POC5: variants seen among roughly 807,000 people sequenced by gnomAD.
POC5 encodes the protein centrosomal protein POC5.
A neutral mutation model predicts 62.9 loss-of-function variants in POC5; 48 were observed. The observed-to-expected ratio is 0.76, with a 90% CI of 0.61 to 0.97. The LOEUF is 0.97. Among genes scored for constraint, POC5 ranks in the 50% least tolerant of loss-of-function variants. The pLI is 0.00. For synonymous variants in POC5, 236 were observed against 228.2 expected, an observed-to-expected ratio of 1.03 and a Z score of -0.31; for missense variants, 696 against 679.5, an observed-to-expected ratio of 1.02 and a Z score of -0.27.
intron 7 of POC5, 114 bp downstream of exon 7, chr5:75,692,282 A>G (rs968979675): frequency 2.0e-5 from 14 of 693,448 alleles, no homozygotes; most frequent in African/African-American, 1.7e-4. Flanking sequence ...TAAGAGGAAC[A>G]TTAAATCACA....
intron 11 of POC5, among the ~76,000 whole-genome samples, chr5:75,675,884 G>A (rs115340281): frequency 5.2e-4 from 79 of 152,314 alleles, no homozygotes; most frequent in African/African-American, 1.8e-3. Context: ...GTCACAAATC[G>A]CATCCTTGGT....
Position 75,690,247 on chromosome 5 carries a change from C to T in POC5, c.975+136G>A, listed in dbSNP as rs1776271087. On this transcript the variant is annotated intron_variant, in intron 8 of 11. Transcript: ENST00000428202. The stretch of plus-strand genomic sequence containing the variant: ...GAATATACAATAAACATTAAATTAA[C>T]ACAAGAATAAACGTTTTCATTTTTT... 6.1e-6 allele frequency: 5 copies of T among 819,492 alleles called. No individual in the cohort carries two copies. In the African/African-American group the frequency reaches 6.9e-5, roughly 11 times the overall value. The allele number at this position is 819,492 out of a possible 1,614,324, so 50.8% of individuals were successfully genotyped here.
intron 11 of POC5, among the ~76,000 whole-genome samples, chr5:75,675,883 C>T (rs1561458060): frequency 6.6e-6 from 1 of 152,208 alleles, no homozygotes; most frequent in African/African-American, 2.4e-5. Context: ...TGTCACAAAT[C>T]GCATCCTTGG....
At chr5:75,700,163 A>C (rs1776805701) in intron 5 of POC5, among the ~76,000 whole-genome samples, 1 of 151,992 alleles carries the variant, frequency 6.6e-6, no homozygotes, top group Non-Finnish European at 1.5e-5. Context: ...TTACAGATTC[A>C]ATGCCATCCC....
chr5:75,694,344 T>A (rs1237024794), intron 6 of POC5, among the ~76,000 whole-genome samples: 2 of 151,708 alleles, frequency 1.3e-5, no homozygotes, highest in African/African-American at 4.8e-5. Context: ...ATACTCTTTT[T>A]AAAAAAAAAT....
intron 5 of POC5, among the ~76,000 whole-genome samples, chr5:75,699,350 C>T (rs1182782787): frequency 1.3e-5 from 2 of 152,004 alleles, no homozygotes; most frequent in Non-Finnish European, 2.9e-5. Flanking sequence ...TCCAGCAGCA[C>T]ATCAAAAAGC....
At chr5:75,698,514 A>G (rs1323538054) in intron 5 of POC5, among the ~76,000 whole-genome samples, 1 of 151,668 alleles carries the variant, frequency 6.6e-6, no homozygotes, top group Non-Finnish European at 1.5e-5. Flanking sequence ...GTTCTTTGAA[A>G]CCACCGAGAA....
intron 11 of POC5, among the ~76,000 whole-genome samples, chr5:75,676,539 C>G (rs1775660411): frequency 7.9e-6 from 1 of 126,418 alleles, no homozygotes; most frequent in Non-Finnish European, 1.8e-5. Flanking sequence ...TAGTGCCCAG[C>G]TAGTACTCGG....
rs116577445 is a variant in POC5, at chr5:75,710,858, T to C, written c.84+1996A>G. Among the ~76,000 whole-genome samples the C allele has an allele frequency of 4.7e-3, 716 of 152,274 alleles. 7 individuals carry two copies. The highest frequency in any genetic ancestry group is 0.015 in the African/African-American group (637 of 41,546). ...AGTTAGCCTATCACCACCTCTAGCA[T>C]GTAGGAACGGAGGGAGAAGTGGAAG... On this transcript the variant is annotated intron_variant, in intron 2 of 11. Transcript: ENST00000428202.
intron 2 of POC5, among the ~76,000 whole-genome samples, chr5:75,709,802 T>C (rs926308404): frequency 6.6e-6 from 1 of 152,220 alleles, no homozygotes; most frequent in Non-Finnish European, 1.5e-5. Flanking sequence ...TTGGTCCTAA[T>C]AAACTAATAC....
chr5:75,702,037 C>T (rs1030546583), intron 5 of POC5, among the ~76,000 whole-genome samples: 8 of 152,128 alleles, frequency 5.3e-5, no homozygotes, highest in Non-Finnish European at 8.8e-5. Flanking sequence ...AGAACCGTTC[C>T]AGCAACCACT....
intron 2 of POC5, among the ~76,000 whole-genome samples, chr5:75,711,517 T>C (rs768154113): frequency 1.3e-5 from 2 of 152,270 alleles, no homozygotes; most frequent in Admixed American, 1.3e-4. Context: ...GAGGGGCTTT[T>C]GTATTAAATG....
rs1474153813 is a variant in POC5 at position 75,692,481 on chromosome 5, T to C, written c.710A>G (p.His237Arg). ...RKDEVISSLS[H>R]AIGKQKEKIE... The stretch of plus-strand genomic sequence containing the variant: ...CTTTTCCTTTTGCTTGCCTATGGCA[T>C]GAGACAAGCTAGAAATCACCTGTAA... The change falls in exon 7 of 12, where the codon CAT (histidine) becomes CGT (arginine). Residue 237 changes from histidine to arginine, a missense_variant. By Grantham distance (29) the His-to-Arg change is conservative. Transcript: ENST00000428202. 1.2e-6 allele frequency: 2 copies of C among 1,600,890 alleles called. No homozygotes were observed. Among genetic ancestry groups the C allele is most frequent in the Non-Finnish European group, 1.7e-6 (2 of 1,173,704 alleles).
intron 1 of POC5, among the ~76,000 whole-genome samples, chr5:75,713,665 T>A (rs909772779): frequency 3.3e-5 from 5 of 151,680 alleles, no homozygotes; most frequent in African/African-American, 1.2e-4. Context: ...GAGATAGGAG[T>A]AGCTATTTTT....
chr5:75,696,539 C>A (rs2112146305), intron 5 of POC5, among the ~76,000 whole-genome samples: 1 of 151,474 alleles, frequency 6.6e-6, no homozygotes, highest in South Asian at 2.1e-4. Flanking sequence ...GAAAGGACAT[C>A]CACACCAAAA....
At chr5:75,682,377 T>G (rs1304272328) in intron 10 of POC5, among the ~76,000 whole-genome samples, 3 of 152,220 alleles carry the variant, frequency 2.0e-5, no homozygotes, top group Non-Finnish European at 4.4e-5. Context: ...GCAAGATGAA[T>G]GAGAAACCAG....
chr5:75,688,718 G>C (rs1336563552), intron 9 of POC5, among the ~76,000 whole-genome samples: 1 of 152,126 alleles, frequency 6.6e-6, no homozygotes, highest in Non-Finnish European at 1.5e-5. Context: ...AAAATTCTTA[G>C]TTAAAAGAGA....
At chr5:75,714,356 T>C (rs1400036258) in intron 1 of POC5, among the ~76,000 whole-genome samples, 2 of 151,980 alleles carry the variant, frequency 1.3e-5, no homozygotes, top group African/African-American at 4.8e-5. Flanking sequence ...CACTCCAGCC[T>C]GGGTGACAGA....
chr5:75,678,086 A>T (rs1775741112), intron 10 of POC5, 136 bp from the exon 11 acceptor site: 1 of 647,168 alleles, frequency 1.5e-6, no homozygotes, highest in Admixed American at 4.2e-5. Context: ...CATGGAAAAA[A>T]CAAAATCACA....
Sources: gnomAD v4.1 joint callset for allele counts (sites outside exome capture counted in the v4.1 genomes callset) on GRCh38, gnomAD v4.1.1 for gene constraint, MANE v1.5 for transcripts, NCBI Gene and HGNC (gene_info 2026-07-23, HGNC 2026-07-21) for gene names.